The following TGFBR3 variants were observed in gnomAD, a reference collection of about 807,000 sequenced individuals.
TGFBR3 encodes the protein transforming growth factor beta receptor 3, also known as transforming growth factor beta receptor type 3.
A neutral mutation model predicts 87.9 loss-of-function variants in TGFBR3; 46 were observed. The observed-to-expected ratio is 0.52, with a 90% CI of 0.41 to 0.67. TGFBR3 has a LOEUF of 0.67. TGFBR3 is among the 30% of genes least tolerant of loss of function. The probability of loss-of-function intolerance (pLI) is 0.00; values close to 1 mark genes in which losing one functional copy is unlikely to be tolerated. For synonymous variants in TGFBR3, 381 were observed against 391.6 expected (o/e 0.97, Z 0.32); for missense variants, 866 against 1,041.9 (o/e 0.83, Z 2.32).
At chr1:91,835,265 C>T (rs1276977883) in intron 2 of TGFBR3, among the ~76,000 whole-genome samples, 1 of 152,208 alleles carries the variant, frequency 6.6e-6, no homozygotes, top group Non-Finnish European at 1.5e-5. Context: ...TTATACAACA[C>T]TTAAATTGTC....
At chr1:91,874,736 G>A (rs1678717683) in intron 1 of TGFBR3, among the ~76,000 whole-genome samples, 3 of 151,850 alleles carry the variant, frequency 2.0e-5, no homozygotes, top group African/African-American at 7.3e-5. Flanking sequence ...TTTGTGATCC[G>A]CCTGCCTCAG....
intron 14 of TGFBR3, among the ~76,000 whole-genome samples, chr1:91,702,832 G>A (rs780016624): frequency 1.3e-5 from 2 of 152,168 alleles, no homozygotes; most frequent in Admixed American, 1.3e-4. Context: ...ATCACCTGAG[G>A]TCAGGAGTTT....
intron 3 of TGFBR3, among the ~76,000 whole-genome samples, chr1:91,779,854 A>C (rs1674700241): frequency 6.6e-6 from 1 of 152,144 alleles, no homozygotes; most frequent in African/African-American, 2.4e-5. Context: ...GAAGTCCAAA[A>C]TCAGCATTGC....
rs533949567 is a variant in TGFBR3, at chr1:91,833,959, A to T, written c.61+27512T>A. Among the ~76,000 whole-genome samples, 8 of 152,312 alleles carry T rather than the reference A, an allele frequency of 5.3e-5. No homozygotes were observed. The South Asian group carries it at 8.3e-4, about 16-fold the overall frequency. ...CTTAATCATCTGCTCAGAATTCTCA[A>T]TATCATTTTAACTCTACACATATTT... On this transcript the variant is annotated intron_variant, in intron 2 of 16. Transcript: ENST00000212355.
chr1:91,703,354 T>C (rs1280358349), intron 14 of TGFBR3, among the ~76,000 whole-genome samples: 4 of 152,218 alleles, frequency 2.6e-5, no homozygotes, highest in Non-Finnish European at 5.9e-5. Flanking sequence ...TCTAGTTTGC[T>C]GAGAGGTTGA....
At chr1:91,817,880 G>GAAAAAAAAAAAAAAA (rs5776119) in intron 2 of TGFBR3, among the ~76,000 whole-genome samples, 1 of 139,066 alleles carries the variant, frequency 7.2e-6, no homozygotes, top group African/African-American at 2.7e-5. Context: ...ACTGATAACA[G>GAAAAAAAAAAAAAAA]AAAAAAAAAA....
chr1:91,884,341 T>A (rs986000531), intron 1 of TGFBR3, among the ~76,000 whole-genome samples: 3 of 151,476 alleles, frequency 2.0e-5, no homozygotes, highest in Non-Finnish European at 4.4e-5. Context: ...AAAATTTCCA[T>A]GTTAATTAAT....
chr1:91,766,758 A>C (rs1220135757), intron 3 of TGFBR3, among the ~76,000 whole-genome samples: 2 of 133,738 alleles, frequency 1.5e-5, no homozygotes, highest in Non-Finnish European at 3.3e-5. Context: ...GATAGATAGG[A>C]TGTCTGATGT....
At chr1:91,892,451 C>T (rs1164236060) in intron 2 of TGFBR3, among the ~76,000 whole-genome samples, 1 of 152,108 alleles carries the variant, frequency 6.6e-6, no homozygotes, top group Non-Finnish European at 1.5e-5. Flanking sequence ...TTATTTTGTG[C>T]TCAGGGGGAC....
chr1:91,820,119 T>C (rs148256318), intron 2 of TGFBR3, among the ~76,000 whole-genome samples: 2 of 152,242 alleles, frequency 1.3e-5, no homozygotes, highest in Non-Finnish European at 2.9e-5. Flanking sequence ...GCTCAATTCA[T>C]ACTTTTCAGA....
At chr1:91,812,259 T>G (rs912758716) in intron 2 of TGFBR3, among the ~76,000 whole-genome samples, 19 of 152,214 alleles carry the variant, frequency 1.2e-4, no homozygotes, top group African/African-American at 4.3e-4. Flanking sequence ...CCCACCTTAC[T>G]TCATCTGGCC....
intron 3 of TGFBR3, among the ~76,000 whole-genome samples, chr1:91,796,941 G>T (rs547656380): frequency 4.6e-5 from 7 of 151,638 alleles, no homozygotes; most frequent in Non-Finnish European, 2.9e-5. Context: ...TGTTTCCCAG[G>T]CTGGTCTTGA....
At chr1:91,737,187 G>A (rs1023804243) in intron 4 of TGFBR3, among the ~76,000 whole-genome samples, 1 of 152,010 alleles carries the variant, frequency 6.6e-6, no homozygotes, top group Non-Finnish European at 1.5e-5. Context: ...CACTCCTCAG[G>A]CACATTCCAA....
At chr1:91,792,152 A>C (rs1322665853) in intron 3 of TGFBR3, among the ~76,000 whole-genome samples, 1 of 152,166 alleles carries the variant, frequency 6.6e-6, no homozygotes, top group African/African-American at 2.4e-5. Flanking sequence ...CCAAATTTCA[A>C]ACACAATCAT....
At chr1:91,711,366 G>A (rs1249319706) in intron 13 of TGFBR3, among the ~76,000 whole-genome samples, 2 of 152,132 alleles carry the variant, frequency 1.3e-5, no homozygotes, top group Admixed American at 1.3e-4. Context: ...TAATCTATTT[G>A]GAAATGGTGG....
At chr1:91,888,994 G>T (rs1679390982), upstream of TGFBR3, among the ~76,000 whole-genome samples, 1 of 152,060 alleles carries the variant, frequency 6.6e-6, no homozygotes. Flanking sequence ...CAATTCTCCT[G>T]CCTCAGCCTC....
intron 1 of TGFBR3, among the ~76,000 whole-genome samples, chr1:91,867,763 T>C (rs994644363): frequency 6.6e-6 from 1 of 152,206 alleles, no homozygotes; most frequent in Non-Finnish European, 1.5e-5. Context: ...ATTTGGGGGT[T>C]CAAAACCTGG....
intron 14 of TGFBR3, among the ~76,000 whole-genome samples, chr1:91,705,352 T>A (rs1217403682): frequency 6.6e-6 from 1 of 150,768 alleles, no homozygotes; most frequent in African/African-American, 2.4e-5. Flanking sequence ...GCCTAAAGAG[T>A]AGCTGGGATT....
chr1:91,694,471 G>GAGATGTAGTATTTA (rs1296116140), intron 16 of TGFBR3, among the ~76,000 whole-genome samples: 2 of 152,234 alleles, frequency 1.3e-5, no homozygotes, highest in Non-Finnish European at 1.5e-5. Context: ...CCTCAGGCAG[G>GAGATGTAGTATTTA]AGATGTAGTA....
Sources: allele counts gnomAD v4.1 joint callset (sites outside exome capture counted in the v4.1 genomes callset), GRCh38; gene constraint gnomAD v4.1.1; transcripts MANE v1.5; gene names NCBI Gene and HGNC (gene_info 2026-07-23, HGNC 2026-07-21).